Variants in TMEM156 observed in about 807,000 individuals in gnomAD.
The protein encoded by TMEM156 is transmembrane protein 156.
In TMEM156, 28 loss-of-function variants were observed where a neutral mutation model predicts 30.5. The observed-to-expected ratio is 0.92, with a 90% CI of 0.68 to 1.26. TMEM156 has a LOEUF of 1.26. Ranked by LOEUF, TMEM156 falls within the 50% of genes most tolerant of loss-of-function variation. The pLI is 0.00. For missense variants in TMEM156, 351 were observed against 340.6 expected (o/e 1.03, Z -0.24); for synonymous variants, 137 against 119.9 (o/e 1.14, Z -0.93).
intron 2 of TMEM156, among the ~76,000 whole-genome samples, chr4:38,996,609 C>CA (rs1185452097): frequency 6.6e-6 from 1 of 151,824 alleles, no homozygotes; most frequent in Non-Finnish European, 1.5e-5. Context: ...TAAGCGTTGG[C>CA]AAAAATGTGA....
intron 3 of TMEM156, among the ~76,000 whole-genome samples, chr4:38,993,273 T>C (rs1712673496): frequency 6.6e-6 from 1 of 151,526 alleles, no homozygotes; most frequent in Non-Finnish European, 1.5e-5. Context: ...CTACTAAAAA[T>C]ACAAAAAATT....
At chr4:38,980,732 A>G (rs1723138214) in intron 5 of TMEM156, 1 of 162,082 alleles carries the variant, frequency 6.2e-6, no homozygotes, top group Admixed American at 6.5e-5. Flanking sequence ...TTAAGCCAAG[A>G]TCAGATGGGA....
intron 1 of TMEM156, among the ~76,000 whole-genome samples, chr4:39,013,174 G>A (rs1022029200): frequency 6.6e-6 from 1 of 151,436 alleles, no homozygotes; most frequent in Non-Finnish European, 1.5e-5. Context: ...GGTGGCACAT[G>A]CCTGTAGTCC....
intron 1 of TMEM156, among the ~76,000 whole-genome samples, chr4:39,018,933 A>C (rs1342168352): frequency 6.6e-6 from 1 of 151,794 alleles, no homozygotes. Context: ...AGGCAGAAGA[A>C]TCACTTGAAT....
intron 3 of TMEM156, among the ~76,000 whole-genome samples, chr4:38,992,703 A>ATATATAT (rs1712575565): frequency 7.6e-4 from 23 of 30,394 alleles, no homozygotes; most frequent in Admixed American, 5.1e-3. Flanking sequence ...ATTATATAAT[A>ATATATAT]TATATATATT....
In TMEM156 at chr4:38,997,881, C is replaced by T. The variant is rs1413722496; in HGVS notation, c.358+759G>A. Among the ~76,000 whole-genome samples, 5 of 152,110 alleles carry T rather than the reference C, an allele frequency of 3.3e-5. No individual in the cohort carries two copies. In the East Asian group the frequency reaches 9.6e-4, roughly 29 times the overall value. ...AGTAAGCAAAGACAAAGGCCCTGCC[C>T]TCAAGAAGCTTACTGGAGAGTCAGA... On this transcript the variant is annotated intron_variant, in intron 2 of 6. Transcript: ENST00000381938.
In TMEM156 at chr4:39,017,171, C is replaced by CTTTTTTT. The variant is rs1159565890; in HGVS notation, c.88+15048_88+15054dup. 1.8e-3 allele frequency among the ~76,000 whole-genome samples: 162 copies of CTTTTTTT among 91,282 alleles called. 3 individuals are homozygous for CTTTTTTT. Among genetic ancestry groups the CTTTTTTT allele is most frequent in the African/African-American group, 2.6e-3 (59 of 22,412 alleles). The allele number at this position is 91,282 out of a possible 152,430, so 59.9% of individuals were successfully genotyped here. On this transcript the variant is annotated intron_variant, in intron 1 of 6. Coordinates refer to ENST00000381938, the MANE Select transcript of TMEM156 (RefSeq NM_024943.3). ...AAACCATATCAAGTATGTATTTCTT[C>CTTTTTTT]TTTTTTTTTTTTTTTTTTTTTGAGA...
intron 5 of TMEM156, among the ~76,000 whole-genome samples, chr4:38,981,235 A>G (rs890488558): frequency 1.3e-5 from 2 of 152,206 alleles, no homozygotes; most frequent in African/African-American, 4.8e-5. Context: ...GGCCATAAAC[A>G]TGTTCCAAAT....
intron 1 of TMEM156, among the ~76,000 whole-genome samples, chr4:39,017,532 A>G (rs1714583299): frequency 6.6e-6 from 1 of 152,080 alleles, no homozygotes; most frequent in African/African-American, 2.4e-5. Flanking sequence ...TGTTGAGTTC[A>G]ATATTCTAAA....
At chr4:38,998,523 A>G (rs112686849) in intron 2 of TMEM156, 117 bp downstream of exon 2, 225,785 of 934,618 alleles carry the variant, frequency 0.24, 29,667 homozygotes, top group East Asian at 0.43. Context: ...TAGCCTGGGC[A>G]ACAGAGCGAG....
At chr4:38,999,705 G>T (rs779155265) in intron 1 of TMEM156, among the ~76,000 whole-genome samples, 44 of 152,150 alleles carry the variant, frequency 2.9e-4, no homozygotes, top group Non-Finnish European at 5.7e-4. Context: ...ACCTCTGGAG[G>T]TTCTAGGGAA....
intron 1 of TMEM156, among the ~76,000 whole-genome samples, chr4:39,017,439 A>G (rs1714576258): frequency 6.6e-6 from 1 of 151,932 alleles, no homozygotes; most frequent in African/African-American, 2.4e-5. Flanking sequence ...TCAGCCTCCC[A>G]AAGTGCTGGG....
intron 1 of TMEM156, among the ~76,000 whole-genome samples, chr4:39,003,325 A>C (rs1713508986): frequency 1.3e-5 from 2 of 151,960 alleles, no homozygotes; most frequent in Non-Finnish European, 2.9e-5. Context: ...TTATGTCTTA[A>C]TATATTTATT....
At chr4:38,978,316 C>A (rs6531687) in intron 5 of TMEM156, among the ~76,000 whole-genome samples, 143,722 of 152,262 alleles carry the variant, frequency 0.94, 67,934 homozygotes, top group East Asian at 0.99. Context: ...CACACAGTAT[C>A]TGTCCCTCTG....
chr4:38,982,876 T>C (rs1254013515), intron 5 of TMEM156, among the ~76,000 whole-genome samples: 1 of 152,168 alleles, frequency 6.6e-6, no homozygotes, highest in Non-Finnish European at 1.5e-5. Flanking sequence ...GGAAACCTGA[T>C]GTCGATATTT....
chr4:39,000,627 C>T (rs1357723446), intron 1 of TMEM156, among the ~76,000 whole-genome samples: 2 of 152,172 alleles, frequency 1.3e-5, no homozygotes, highest in African/African-American at 2.4e-5. Context: ...TGGCTCATGC[C>T]TGTAATCCCA....
chr4:39,011,377 C>T (rs1326767175), intron 1 of TMEM156, among the ~76,000 whole-genome samples: 7 of 152,154 alleles, frequency 4.6e-5, no homozygotes, highest in Non-Finnish European at 7.3e-5. Flanking sequence ...TGTCATTTGA[C>T]CGAGTAATCT....
chr4:38,989,641 A>T (rs73236688), intron 3 of TMEM156, among the ~76,000 whole-genome samples: 16,025 of 152,244 alleles, frequency 0.11, 1,025 homozygotes, highest in African/African-American at 0.17. Flanking sequence ...GATGTTCACC[A>T]TGCAGCAGTA....
At chr4:39,012,620 A>G (rs1714196535) in intron 1 of TMEM156, among the ~76,000 whole-genome samples, 1 of 152,208 alleles carries the variant, frequency 6.6e-6, no homozygotes, top group East Asian at 1.9e-4. Flanking sequence ...AGCCTGGCCA[A>G]CATGGTGAAA....
Sources: allele counts gnomAD v4.1 joint callset (sites outside exome capture counted in the v4.1 genomes callset), GRCh38; gene constraint gnomAD v4.1.1; transcripts MANE v1.5; gene names NCBI Gene and HGNC (gene_info 2026-07-23, HGNC 2026-07-21).